The following SMURF2 variants were observed in gnomAD, a reference collection of about 807,000 sequenced individuals.
SMURF2 encodes SMAD specific E3 ubiquitin protein ligase 2.
SMURF2 carries 48 observed loss-of-function variants against 109.6 expected under a neutral mutation model. The ratio of observed to expected loss-of-function variants is 0.44; its 90% CI spans 0.35 to 0.56. The LOEUF (loss-of-function observed/expected upper bound fraction) is 0.56, where lower values mean the gene tolerates loss of function less well. Among genes scored for constraint, SMURF2 ranks in the 20% least tolerant of loss-of-function variants. The pLI is 0.01. For synonymous variants in SMURF2, 288 were observed against 317.1 expected (o/e 0.91, Z 0.97); for missense variants, 575 against 909.0 (o/e 0.63, Z 4.72).
chr17:64,586,103 A>G lies in SMURF2; in HGVS notation c.468T>C (p.Asp156=). ...GQVVDCSRLF[D]NDLPDGWEER... is the part of the protein sequence containing the mutation. ...TAGCTTACCCGTCTGGTAAATCGTT[A>G]TCAAATAAACGACTGCAGTCCACAA... The change falls in exon 6 of 19, where the codon GAT becomes GAC. Residue 156 remains aspartate (D), a synonymous_variant. Coordinates refer to ENST00000262435, the MANE Select transcript of SMURF2 (RefSeq NM_022739.4). 6.2e-7 allele frequency: 1 copy of G among 1,609,432 alleles called. No homozygotes were observed. The highest frequency in any genetic ancestry group is 8.5e-7 in the Non-Finnish European group (1 of 1,177,632).
intron 1 of SMURF2, among the ~76,000 whole-genome samples, chr17:64,638,321 T>C (rs1555692290): frequency 6.6e-6 from 1 of 151,870 alleles, no homozygotes; most frequent in Non-Finnish European, 1.5e-5. Context: ...TCACCTCAGT[T>C]TCTCAAAGTG....
intron 1 of SMURF2, among the ~76,000 whole-genome samples, chr17:64,624,237 C>T (rs1419816779): frequency 6.6e-6 from 1 of 152,188 alleles, no homozygotes; most frequent in African/African-American, 2.4e-5. Flanking sequence ...TGGCCAATGC[C>T]TGTAATCCCA....
intron 1 of SMURF2, among the ~76,000 whole-genome samples, chr17:64,617,065 T>TA (rs35408397): frequency 0.058 from 2,815 of 48,442 alleles, 265 homozygotes; most frequent in Middle Eastern, 0.1. Flanking sequence ...AGACCTTGTC[T>TA]AAAAAAAAAA....
intron 6 of SMURF2, among the ~76,000 whole-genome samples, chr17:64,585,268 T>C (rs1270608731): frequency 1.3e-5 from 2 of 152,194 alleles, no homozygotes; most frequent in African/African-American, 2.4e-5. Context: ...CAGGTTTGTG[T>C]GTTTTGGCTC....
intron 1 of SMURF2, among the ~76,000 whole-genome samples, chr17:64,618,827 T>C (rs1970158815): frequency 1.3e-5 from 2 of 152,210 alleles, no homozygotes; most frequent in Admixed American, 1.3e-4. Context: ...TTACCTTCTT[T>C]TTCTAGAGAC....
chr17:64,545,964 C>A lies in SMURF2; in HGVS notation c.2148-17G>T. ...CGATTGAAGCTGTGAATAAGCAAAT[C>A]AAATTTTATACAGTTCATTCAAAAT... On this transcript the variant is annotated splice_polypyrimidine_tract_variant and intron_variant, in intron 18 of 18. Transcript: ENST00000262435. 2 of 1,489,614 alleles carry A rather than the reference C, an allele frequency of 1.3e-6. No homozygotes were observed. Among genetic ancestry groups the A allele is most frequent in the South Asian group, 2.3e-5 (2 of 88,482 alleles). 92.3% of individuals were successfully genotyped at this position (1,489,614 alleles called of 1,614,324 possible).
In SMURF2 at chr17:64,545,581, G is replaced by C. The variant is rs1968936923; in HGVS notation, c.*267C>G. The stretch of plus-strand genomic sequence containing the variant: ...GCCTAACTCTGGAAATGTAGGAAAA[G>C]TCAGCATTCTTTAGGTTCAAGATAT... On this transcript the variant is annotated 3_prime_UTR_variant, in exon 19 of 19. Coordinates refer to ENST00000262435, the MANE Select transcript of SMURF2 (RefSeq NM_022739.4). 2 of 261,830 alleles carry C rather than the reference G, an allele frequency of 7.6e-6. No homozygotes were observed. The highest frequency in any genetic ancestry group is 2.2e-5 in the African/African-American group (1 of 45,334). The allele number at this position is 261,830 out of a possible 1,614,324, so 16.2% of individuals were successfully genotyped here. A position where few individuals can be genotyped will look rare whatever the true frequency, so the allele number is the denominator to read the frequency against.
chr17:64,571,655 G>C lies in SMURF2; in HGVS notation c.1016+143C>G, dbSNP rs548712353. ...GCTAGTCTCAAACCCCTGGCCTCAA[G>C]TGATCCTGCTGCCACGGCCTCCCAA... On this transcript the variant is annotated intron_variant, in intron 10 of 18. Coordinates refer to ENST00000262435, the MANE Select transcript of SMURF2 (RefSeq NM_022739.4). The C allele has an allele frequency of 5.0e-6, 4 of 803,214 alleles. No homozygotes were observed. In the South Asian group the frequency reaches 6.3e-5, roughly 13 times the overall value. 49.8% of individuals were successfully genotyped at this position (803,214 alleles called of 1,614,324 possible).
At chr17:64,554,702 GAAAT>G (rs1969094827) in intron 15 of SMURF2, among the ~76,000 whole-genome samples, 150 bp downstream of exon 15, 1 of 152,190 alleles carries the variant, frequency 6.6e-6, no homozygotes, top group Admixed American at 6.5e-5. Flanking sequence ...GGAATTGTGA[GAAAT>G]AATAAAATGT....
chr17:64,545,869 T>G lies in SMURF2; in HGVS notation c.2226A>C (p.Thr742=), dbSNP rs782178687. 7 of 1,608,120 alleles carry G rather than the reference T, an allele frequency of 4.4e-6. No individual in the cohort carries two copies. Among genetic ancestry groups the G allele is most frequent in the East Asian group, 2.2e-5 (1 of 44,810 alleles). ...CTTGTCATTCCACAGCAAATCCACA[T>G]GTTTCTTCAATGGCTGTTAGCAGCT... is the stretch of plus-strand genomic sequence containing the variant. The part of the protein sequence containing the change: ...YEKLLTAIEE[T]CGFAVE Residue 742 remains threonine (T), a synonymous_variant, in exon 19 of 19, where the codon ACA becomes ACC. Coordinates refer to ENST00000262435, the MANE Select transcript of SMURF2 (RefSeq NM_022739.4).
At chr17:64,613,743 TGGAGG>T (rs1201552454) in intron 1 of SMURF2, among the ~76,000 whole-genome samples, 1 of 92,160 alleles carries the variant, frequency 1.1e-5, no homozygotes, top group African/African-American at 4.2e-5. Context: ...TGTGTGTGTG[TGGAGG>T]GGGGGCAGAG....
Position 64,566,561 on chromosome 17 carries a change from G to GTTTGTTTTTTTTTTTTT in SMURF2, c.1017-3596_1017-3595insAAAAAAAAAAAAACAAA, listed in dbSNP as rs1969305868. 2.0e-3 allele frequency among the ~76,000 whole-genome samples: 88 copies of GTTTGTTTTTTTTTTTTT among 43,800 alleles called. 6 individuals carry two copies. Among genetic ancestry groups the GTTTGTTTTTTTTTTTTT allele is most frequent in the African/African-American group, 6.2e-3 (82 of 13,308 alleles). 28.7% of individuals were successfully genotyped at this position (43,800 alleles called of 152,430 possible). A position where few individuals can be genotyped will look rare whatever the true frequency, so the allele number is the denominator to read the frequency against. On this transcript the variant is annotated intron_variant, in intron 10 of 18. Transcript: ENST00000262435. ...GATGTAGAAATGCTTAAGCTTTCTG[G>GTTTGTTTTTTTTTTTTT]TTTTTTTTTTTTTTTTTTTTTTTTT...
chr17:64,649,458 G>A (rs1207577230), intron 1 of SMURF2, among the ~76,000 whole-genome samples: 4 of 152,036 alleles, frequency 2.6e-5, no homozygotes, highest in African/African-American at 9.7e-5. Context: ...CAAACATTGG[G>A]GGATGGAAGG....
Position 64,627,271 on chromosome 17 carries a change from C to T in SMURF2, c.53-20631G>A, listed in dbSNP as rs1029299680. On this transcript the variant is annotated intron_variant, in intron 1 of 18. Coordinates refer to ENST00000262435, the MANE Select transcript of SMURF2 (RefSeq NM_022739.4). ...CTGGGATTACAGGCATGTGCCACCA[C>T]GCCCAGCTAATTTTTGTTATTTTTA... Among the ~76,000 whole-genome samples, 9 of 151,992 alleles carry T rather than the reference C, an allele frequency of 5.9e-5. 1 individual carries two copies. Among genetic ancestry groups the T allele is most frequent in the East Asian group, 3.9e-4 (2 of 5,186 alleles).
chr17:64,661,771 C>G, intron 1 of SMURF2, 58 bp downstream of exon 1: 1 of 1,173,432 alleles, frequency 8.5e-7, no homozygotes, highest in South Asian at 4.2e-5. Context: ...GCCACAGGCA[C>G]CCCCCGCCAG....
chr17:64,636,013 G>A (rs78978657), intron 1 of SMURF2, among the ~76,000 whole-genome samples: 7,647 of 152,222 alleles, frequency 0.05, 318 homozygotes, highest in Admixed American at 0.14. Context: ...AGCCCTTCTA[G>A]TGGTCGTGAA....
Position 64,546,271 on chromosome 17 carries a change from G to A in SMURF2, c.2139C>T (p.Ala713=), listed in dbSNP as rs1368780423. 6.2e-7 allele frequency: 1 copy of A among 1,613,980 alleles called. No homozygotes were observed. The highest frequency in any genetic ancestry group is 1.3e-5 in the African/African-American group (1 of 74,928). Residue 713 remains alanine, a synonymous_variant, in exon 18 of 19, where the codon GCC becomes GCT. Transcript: ENST00000262435. ...IDACTNNLPK[A]HTCFNRIDIP... is the part of the protein sequence containing the mutation. ...CTACAAAAATACCTTACCAAGTGTG[G>A]GCTTTCGGCAGGTTGTTAGTGCAGG...
At chr17:64,629,509 T>C (rs958177488) in intron 1 of SMURF2, among the ~76,000 whole-genome samples, 3 of 152,058 alleles carry the variant, frequency 2.0e-5, no homozygotes, top group South Asian at 2.1e-4. Flanking sequence ...GTCTCTAAGA[T>C]AAAACAAGTA....
At position 64,661,846 on chromosome 17, in the gene SMURF2, A is replaced by C; in HGVS notation, c.35T>G (p.Val12Gly). ...SNPGGRRNGP[V>G]KLRLTVLCAK... ...CCCCTCACCTGTCAGGCGCAGCTTG[A>C]CGGGCCCGTTCCTCCGGCCTCCGGG... Residue 12 changes from valine (V) to glycine (G), a missense_variant, in exon 1 of 19, where the codon GTC (valine) becomes GGC (glycine). Val to Gly is a moderately radical substitution (Grantham distance 109). Coordinates refer to ENST00000262435, the MANE Select transcript of SMURF2 (RefSeq NM_022739.4). 1.6e-6 allele frequency: 2 copies of C among 1,218,888 alleles called. No homozygotes were observed. Among genetic ancestry groups the C allele is most frequent in the Non-Finnish European group, 2.0e-6 (2 of 980,022 alleles). The allele number at this position is 1,218,888 out of a possible 1,614,324, so 75.5% of individuals were successfully genotyped here.
Sources: gnomAD v4.1 joint callset for allele counts (sites outside exome capture counted in the v4.1 genomes callset) on GRCh38, gnomAD v4.1.1 for gene constraint, MANE v1.5 for transcripts, NCBI Gene and HGNC (gene_info 2026-07-23, HGNC 2026-07-21) for gene names.